The following AK9 variants were observed in gnomAD, a reference collection of about 807,000 sequenced individuals.
The protein encoded by AK9 is adenylate kinase domain containing 1.
AK9 carries 191 observed loss-of-function variants against 239.6 expected under a neutral mutation model. The ratio of observed to expected loss-of-function variants is 0.80; its 90% confidence interval spans 0.71 to 0.90. The LOEUF (loss-of-function observed/expected upper bound fraction) is 0.90, where lower values mean the gene tolerates loss of function less well. Among genes scored for constraint, AK9 ranks in the 40% least tolerant of loss-of-function variants. The probability of loss-of-function intolerance (pLI) is 0.00; values close to 1 mark genes in which losing one functional copy is unlikely to be tolerated. For missense variants in AK9, 1,995 were observed against 2,214.7 expected, an observed-to-expected ratio of 0.90 and a Z score of 1.99; for synonymous variants, 689 against 721.0, an observed-to-expected ratio of 0.96 and a Z score of 0.71.
intron 10 of AK9, among the ~76,000 whole-genome samples, chr6:109,633,878 T>G (rs999263693): frequency 6.6e-6 from 1 of 152,228 alleles, no homozygotes; most frequent in African/African-American, 2.4e-5. Flanking sequence ...GAAATACTTT[T>G]CTACAGACTG....
intron 8 of AK9, among the ~76,000 whole-genome samples, chr6:109,647,520 G>A (rs11153206): frequency 0.63 from 95,210 of 151,920 alleles, 30,498 homozygotes; most frequent in South Asian, 0.84. Context: ...AAAGGGATCA[G>A]TTCAACAATA....
At chr6:109,680,252 G>C (rs1772415941) in intron 1 of AK9, among the ~76,000 whole-genome samples, 1 of 152,078 alleles carries the variant, frequency 6.6e-6, no homozygotes, top group South Asian at 2.1e-4. Context: ...GTGTAGAGAA[G>C]AACATAAATG....
At chr6:109,555,797 C>T (rs1784947187) in intron 24 of AK9, among the ~76,000 whole-genome samples, 1 of 152,156 alleles carries the variant, frequency 6.6e-6, no homozygotes, top group Non-Finnish European at 1.5e-5. Context: ...TTAATGGTTT[C>T]AAGTCCGTTT....
In AK9 at chr6:109,506,703, A is replaced by G; in HGVS notation, c.4579T>C (p.Ser1527Pro). The change falls in exon 34 of 41, where the codon TCC (serine) becomes CCC (proline). Residue 1527 changes from serine (S) to proline (P), a missense_variant. Ser to Pro is a moderately conservative substitution (Grantham distance 74). This residue lies in a region of AK9 where 391 missense variants were observed against 456.0 expected (regional missense o/e 0.86). Transcript: ENST00000424296. ...AGCAATCTTTTGAAAATCTCCTTGG[A>G]AGGCACACTCAATTCAAAGATGACC... ...PMVIFELSVP[S>P]KEIFKRLLLE... 1.3e-6 allele frequency: 2 copies of G among 1,538,452 alleles called. No individual in the cohort carries two copies. The highest frequency in any genetic ancestry group is 1.8e-6 in the Non-Finnish European group (2 of 1,137,638).
chr6:109,549,126 C>G (rs561700216), intron 25 of AK9, among the ~76,000 whole-genome samples: 1 of 152,118 alleles, frequency 6.6e-6, no homozygotes, highest in Admixed American at 6.5e-5. Flanking sequence ...TAACAATGCT[C>G]CACTAAAAAA....
At chr6:109,495,586 G>C in intron 38 of AK9, 146 bp from the exon 39 acceptor site, 1 of 508,476 alleles carries the variant, frequency 2.0e-6, no homozygotes, top group East Asian at 3.2e-5. Context: ...TGGGGCTCCT[G>C]GAAGTGCACA....
intron 20 of AK9, 124 bp from the exon 21 acceptor site, chr6:109,573,718 T>C (rs1787713828): frequency 2.3e-6 from 2 of 874,802 alleles, no homozygotes; most frequent in African/African-American, 1.7e-5. Flanking sequence ...GAGTATGTAG[T>C]TTAATGGGGG....
rs1778137302 is a variant in AK9 at position 109,506,512 on chromosome 6, A to G, written c.4664T>C (p.Val1555Ala). The G allele has an allele frequency of 6.2e-7, 1 of 1,604,760 alleles. No individual in the cohort carries two copies. The highest frequency in any genetic ancestry group is 8.5e-7 in the Non-Finnish European group (1 of 1,174,212). ...GCGATACTTTACATTATTGACAGCT[A>G]CAATTTGTGCACTATTGTGCAATGG... ...PYPLHNSAQI[V>A]AVNNVKYRKN... Residue 1555 changes from valine to alanine, a missense_variant, in exon 35 of 41, where the codon GTA (valine) becomes GCA (alanine). Val to Ala is a moderately conservative substitution (Grantham distance 64). Transcript: ENST00000424296.
intron 12 of AK9, among the ~76,000 whole-genome samples, chr6:109,623,322 G>A (rs1330204674): frequency 6.6e-6 from 1 of 152,098 alleles, no homozygotes; most frequent in Admixed American, 6.6e-5. Flanking sequence ...AATAGAGTAC[G>A]ATGCAAGTGA....
At chr6:109,633,364 T>G (rs1396001452) in intron 10 of AK9, 41 bp from the exon 11 acceptor site, 1 of 1,566,404 alleles carries the variant, frequency 6.4e-7, no homozygotes, top group East Asian at 2.3e-5. Flanking sequence ...TGGGCATAAA[T>G]TTTGCTGAAA....
intron 27 of AK9, among the ~76,000 whole-genome samples, chr6:109,533,755 T>C (rs1278697660): frequency 1.3e-5 from 2 of 152,130 alleles, no homozygotes; most frequent in Non-Finnish European, 2.9e-5. Context: ...TTTCAAAATA[T>C]ATCAAGTTGG....
intron 8 of AK9, among the ~76,000 whole-genome samples, chr6:109,646,802 T>C (rs890185499): frequency 6.6e-6 from 1 of 151,828 alleles, no homozygotes; most frequent in Non-Finnish European, 1.5e-5. Context: ...TTCACCAAGG[T>C]TAAAATGAAG....
At position 109,564,587 on chromosome 6, in the gene AK9, G is replaced by C. The variant is rs562415466; in HGVS notation, c.2434+169C>G. On this transcript the variant is annotated intron_variant, in intron 22 of 40. Coordinates refer to ENST00000424296, the MANE Select transcript of AK9 (RefSeq NM_001145128.3). ...GTGTAAAAACCAGTGTTATAATCTA[G>C]TTTGATACACTTTTAATGGAGTAAG... is the stretch of plus-strand genomic sequence containing the variant. 3.8e-3 allele frequency among the ~76,000 whole-genome samples: 585 copies of C among 152,230 alleles called. 2 individuals carry two copies. Among genetic ancestry groups the C allele is most frequent in the Non-Finnish European group, 5.6e-3 (384 of 68,018 alleles).
At chr6:109,574,079 T>C (rs1787766177) in intron 20 of AK9, among the ~76,000 whole-genome samples, 2 of 152,184 alleles carry the variant, frequency 1.3e-5, no homozygotes, top group Admixed American at 1.3e-4. Context: ...AAATTTAAAG[T>C]TCCATGTGTG....
chr6:109,661,458 C>G (rs1159823428), intron 6 of AK9, among the ~76,000 whole-genome samples: 4 of 152,168 alleles, frequency 2.6e-5, no homozygotes, highest in South Asian at 2.1e-4. Context: ...GGTCTTCTGG[C>G]CTGCACAACT....
chr6:109,647,618 A>T (rs1447838266), intron 8 of AK9, among the ~76,000 whole-genome samples: 1 of 152,228 alleles, frequency 6.6e-6, no homozygotes, highest in Non-Finnish European at 1.5e-5. Flanking sequence ...AAAGAAACTT[A>T]GACTCCCACA....
intron 21 of AK9, among the ~76,000 whole-genome samples, chr6:109,570,395 T>C (rs13191066): frequency 0.35 from 52,426 of 151,790 alleles, 9,529 homozygotes; most frequent in South Asian, 0.44. Flanking sequence ...AACCTGCATG[T>C]TGTGCACATG....
intron 17 of AK9, among the ~76,000 whole-genome samples, chr6:109,593,791 A>C (rs2128221251): frequency 6.6e-6 from 1 of 152,360 alleles, no homozygotes; most frequent in Non-Finnish European, 1.5e-5. Context: ...AGATGCAGAA[A>C]AGGCCTTCAA....
intron 24 of AK9, among the ~76,000 whole-genome samples, chr6:109,554,089 T>C (rs1784674337): frequency 6.6e-6 from 1 of 152,238 alleles, no homozygotes; most frequent in African/African-American, 2.4e-5. Flanking sequence ...GATGCACTGC[T>C]GGATTCTGTT....
Sources: allele counts gnomAD v4.1 joint callset (sites outside exome capture counted in the v4.1 genomes callset), GRCh38; gene constraint gnomAD v4.1.1; regional missense constraint gnomAD v4.1.1; transcripts MANE v1.5; gene names NCBI Gene and HGNC (gene_info 2026-07-23, HGNC 2026-07-21).